The following ST7 variants were observed in gnomAD, a reference collection of about 807,000 sequenced individuals.
The protein encoded by ST7 is suppression of tumorigenicity 7.
A neutral mutation model predicts 78.7 loss-of-function variants in ST7; 28 were observed. That is an observed-to-expected ratio of 0.36 (90% confidence interval 0.26 to 0.49). The LOEUF is 0.49. ST7 is among the 20% of genes least tolerant of loss of function. ST7 has a pLI of 0.99. For synonymous variants in ST7, 247 were observed against 249.6 expected (o/e 0.99, Z 0.10); for missense variants, 418 against 696.0 (o/e 0.60, Z 4.49).
At chr7:117,214,955 T>C (rs1304949844) in intron 13 of ST7, among the ~76,000 whole-genome samples, 1 of 127,884 alleles carries the variant, frequency 7.8e-6, no homozygotes, top group African/African-American at 3.2e-5. Flanking sequence ...TGTGTGTGTG[T>C]ACAGTGTATA....
At chr7:117,024,111 G>A (rs1796072812) in intron 1 of ST7, among the ~76,000 whole-genome samples, 1 of 151,994 alleles carries the variant, frequency 6.6e-6, no homozygotes, top group Non-Finnish European at 1.5e-5. Context: ...ACCACACCTG[G>A]CTGATTTAAT....
intron 1 of ST7, among the ~76,000 whole-genome samples, chr7:117,022,021 C>T (rs1795942991): frequency 6.7e-6 from 1 of 148,902 alleles, no homozygotes; most frequent in Admixed American, 6.8e-5. Context: ...CTTGGTTTAG[C>T]CAAAAATGGA....
chr7:117,209,403 G>A (rs1434041239), intron 12 of ST7, among the ~76,000 whole-genome samples: 1 of 152,174 alleles, frequency 6.6e-6, no homozygotes, highest in African/African-American at 2.4e-5. Context: ...TCTTTCTAAT[G>A]CACTTGGTTT....
At position 117,069,501 on chromosome 7, in the gene ST7, C is replaced by T. The variant is rs570451732; in HGVS notation, c.152-30261C>T. ...GGACATTCCAAATAGGAGCTTGATA[C>T]GTAATTCAGTTTTTCCCTTCTGCTG... On this transcript the variant is annotated intron_variant, in intron 1 of 15. Transcript: ENST00000323984. Among the ~76,000 whole-genome samples, 4 of 152,228 alleles carry T rather than the reference C, an allele frequency of 2.6e-5. No individual in the cohort carries two copies. In the East Asian group the frequency reaches 5.8e-4, roughly 22 times the overall value.
chr7:116,971,469 A>G (rs1793415584), intron 1 of ST7, among the ~76,000 whole-genome samples: 1 of 152,190 alleles, frequency 6.6e-6, no homozygotes, highest in African/African-American at 2.4e-5. Flanking sequence ...GATGGGACAA[A>G]AATTTGGTCT....
chr7:117,144,790 T>C (rs1805618477), intron 9 of ST7, among the ~76,000 whole-genome samples: 1 of 152,218 alleles, frequency 6.6e-6, no homozygotes, highest in Non-Finnish European at 1.5e-5. Context: ...ATTTTTTGTA[T>C]TTAGGTAATG....
chr7:116,965,897 G>T (rs917923019), intron 1 of ST7: 2 of 197,234 alleles, frequency 1.0e-5, no homozygotes, highest in Non-Finnish European at 2.3e-5. Context: ...AAACTGAAAT[G>T]ATATTTATAA....
chr7:116,981,251 G>A (rs1263379015), intron 1 of ST7, among the ~76,000 whole-genome samples: 1 of 152,066 alleles, frequency 6.6e-6, no homozygotes, highest in Non-Finnish European at 1.5e-5. Context: ...GGGTCCACAG[G>A]CACATGCCAC....
Position 117,202,247 on chromosome 7 carries a change from C to CTCTATT in ST7, c.1255-7540_1255-7539insTCTATT, listed in dbSNP as rs1810935666. The stretch of plus-strand genomic sequence containing the variant: ...AAAGTGCTGGGATTACAGGCGTGAG[C>CTCTATT]CACCGCGCCCGGCCTCGAAGCTATC... On this transcript the variant is annotated intron_variant, in intron 12 of 15. Transcript: ENST00000323984. 1.3e-5 allele frequency among the ~76,000 whole-genome samples: 2 copies of CTCTATT among 150,574 alleles called. 1 individual carries two copies.
chr7:116,988,479 A>G (rs1369616154), intron 1 of ST7, among the ~76,000 whole-genome samples: 1 of 152,210 alleles, frequency 6.6e-6, no homozygotes, highest in African/African-American at 2.4e-5. Flanking sequence ...TAACATTGTT[A>G]TATACAGATT....
chr7:117,181,196 G>A (rs1808734878), intron 10 of ST7, among the ~76,000 whole-genome samples: 1 of 152,154 alleles, frequency 6.6e-6, no homozygotes, highest in Non-Finnish European at 1.5e-5. Flanking sequence ...ATGACAGATA[G>A]CTAAATAAGT....
At chr7:116,955,473 C>T (rs1035344318) in intron 1 of ST7, among the ~76,000 whole-genome samples, 2 of 152,096 alleles carry the variant, frequency 1.3e-5, no homozygotes, top group Admixed American at 1.3e-4. Flanking sequence ...CAAACCTACT[C>T]CCTCAATAAC....
intron 10 of ST7, among the ~76,000 whole-genome samples, chr7:117,175,204 TC>T (rs1303042918): frequency 1.3e-5 from 2 of 152,238 alleles, no homozygotes; most frequent in African/African-American, 4.8e-5. Flanking sequence ...TATTTATCTT[TC>T]TCTTCAGTCA....
chr7:117,201,805 T>G (rs936654516), intron 12 of ST7, among the ~76,000 whole-genome samples: 38 of 151,710 alleles, frequency 2.5e-4, no homozygotes, highest in African/African-American at 8.5e-4. Flanking sequence ...CCAGCCTGCT[T>G]CTTATGTCTT....
intron 1 of ST7, among the ~76,000 whole-genome samples, chr7:117,026,791 G>T (rs1403551296): frequency 6.6e-6 from 1 of 152,238 alleles, no homozygotes. Flanking sequence ...TTATCAAGGG[G>T]TGTTTGTGGA....
At chr7:116,955,136 C>G (rs548073460) in intron 1 of ST7, 22 of 470,984 alleles carry the variant, frequency 4.7e-5, no homozygotes, top group South Asian at 2.9e-4. Flanking sequence ...GCAATATTGT[C>G]TTCTTCGCTT....
intron 3 of ST7, among the ~76,000 whole-genome samples, chr7:117,129,125 A>T (rs1344831181): frequency 6.6e-6 from 1 of 151,854 alleles, no homozygotes; most frequent in African/African-American, 2.4e-5. Flanking sequence ...GGTATAATAA[A>T]GAGGTATGAC....
chr7:117,099,081 A>G (rs1801368700), intron 1 of ST7, among the ~76,000 whole-genome samples: 1 of 149,078 alleles, frequency 6.7e-6, no homozygotes, highest in African/African-American at 2.5e-5. Context: ...AAAAAAGAAG[A>G]AGAAGAAGGT....
intron 1 of ST7, among the ~76,000 whole-genome samples, chr7:117,047,896 G>C (rs899231956): frequency 6.6e-6 from 1 of 152,038 alleles, no homozygotes; most frequent in African/African-American, 2.4e-5. Context: ...ACAGTGCAGG[G>C]GTTAGGGATG....
Sources: gnomAD v4.1 joint callset for allele counts (sites outside exome capture counted in the v4.1 genomes callset) on GRCh38, gnomAD v4.1.1 for gene constraint, MANE v1.5 for transcripts, NCBI Gene and HGNC (gene_info 2026-07-23, HGNC 2026-07-21) for gene names.